DGKB: variants seen among roughly 807,000 people sequenced by gnomAD.
The protein encoded by DGKB is diacylglycerol kinase beta.
In DGKB, 67 loss-of-function variants were observed where a neutral mutation model predicts 114.3. The observed-to-expected ratio is 0.59, with a 90% CI of 0.48 to 0.72. The LOEUF (loss-of-function observed/expected upper bound fraction) is 0.72. DGKB is among the 30% of genes least tolerant of loss of function. The pLI is 0.00. For missense variants in DGKB, 907 were observed against 975.2 expected (o/e 0.93, Z 0.93); for synonymous variants, 398 against 323.1 (o/e 1.23, Z -2.49).
intron 21 of DGKB, among the ~76,000 whole-genome samples, chr7:14,369,072 G>C (rs1489595952): frequency 6.6e-6 from 1 of 151,298 alleles, no homozygotes; most frequent in Non-Finnish European, 1.5e-5. Flanking sequence ...CCCTCCCCTA[G>C]CACCCCACCC....
chr7:14,841,584 T>G (rs565170599), intron 1 of DGKB, 134 bp from the exon 2 acceptor site: 1 of 223,914 alleles, frequency 4.5e-6, no homozygotes, highest in South Asian at 1.5e-4. Context: ...AAGAATCTTA[T>G]AAAGCACATT....
intron 23 of DGKB, among the ~76,000 whole-genome samples, chr7:14,279,894 C>A (rs1312100767): frequency 6.6e-6 from 1 of 151,384 alleles, no homozygotes; most frequent in Non-Finnish European, 1.5e-5. Flanking sequence ...GTAGATAAAA[C>A]CACAAAGATG....
intron 13 of DGKB, among the ~76,000 whole-genome samples, chr7:14,668,507 CTTTG>C: frequency 6.6e-6 from 1 of 152,184 alleles, no homozygotes; most frequent in Non-Finnish European, 1.5e-5. Flanking sequence ...TACTTAACCT[CTTTG>C]TTTCTCAGTT....
chr7:14,772,865 C>T (rs759206207), intron 2 of DGKB, among the ~76,000 whole-genome samples: 2 of 152,084 alleles, frequency 1.3e-5, no homozygotes, highest in Non-Finnish European at 2.9e-5. Context: ...CTTTCTCACC[C>T]CTCACCAGTT....
At chr7:14,874,414 A>C (rs2128203039) in intron 1 of DGKB, among the ~76,000 whole-genome samples, 1 of 152,238 alleles carries the variant, frequency 6.6e-6, no homozygotes, top group Non-Finnish European at 1.5e-5. Flanking sequence ...ACATTAATGT[A>C]TAGTTTTCAT....
chr7:14,668,599 G>C (rs1160852425), intron 13 of DGKB, among the ~76,000 whole-genome samples: 9 of 152,036 alleles, frequency 5.9e-5, no homozygotes, highest in Admixed American at 5.3e-4. Context: ...TTTATATATT[G>C]TGTTACTTAT....
chr7:14,706,077 C>T (rs1373330158), intron 6 of DGKB, among the ~76,000 whole-genome samples: 284 of 146,356 alleles, frequency 1.9e-3, no homozygotes, highest in East Asian at 4.8e-3. Context: ...ACCCATCTCA[C>T]GTGCAGAGAC....
intron 3 of DGKB, 65 bp from the exon 4 acceptor site, chr7:14,754,013 T>C: frequency 9.2e-7 from 1 of 1,082,606 alleles, no homozygotes. Context: ...CATTATCTCA[T>C]ATCTCTGATT....
chr7:14,389,327 C>G, intron 21 of DGKB, among the ~76,000 whole-genome samples: 1 of 152,104 alleles, frequency 6.6e-6, no homozygotes, highest in African/African-American at 2.4e-5. Context: ...CATCTAGGAC[C>G]CTTTGAAAGT....
At chr7:14,812,778 T>C (rs1843614873) in intron 2 of DGKB, among the ~76,000 whole-genome samples, 2 of 152,178 alleles carry the variant, frequency 1.3e-5, no homozygotes, top group Admixed American at 6.6e-5. Flanking sequence ...AAAAACTCAT[T>C]TTTAAAGCAA....
At chr7:14,275,039 G>A (rs1013294356) in intron 23 of DGKB, among the ~76,000 whole-genome samples, 3 of 151,884 alleles carry the variant, frequency 2.0e-5, no homozygotes, top group Admixed American at 6.6e-5. Flanking sequence ...TGTCCTAGAT[G>A]AAAGTATTTT....
chr7:14,818,029 C>T, intron 2 of DGKB, among the ~76,000 whole-genome samples: 1 of 152,000 alleles, frequency 6.6e-6, no homozygotes, highest in East Asian at 1.9e-4. Context: ...AACCCAGATA[C>T]CAACTGGGAA....
At chr7:14,206,677 T>C (rs1815256564) in intron 23 of DGKB, among the ~76,000 whole-genome samples, 1 of 152,060 alleles carries the variant, frequency 6.6e-6, no homozygotes, top group Admixed American at 6.6e-5. Context: ...TGCTGAAATG[T>C]AGTTTCTATA....
At chr7:14,693,083 C>A (rs1254480956) in intron 9 of DGKB, among the ~76,000 whole-genome samples, 1 of 151,984 alleles carries the variant, frequency 6.6e-6, no homozygotes, top group African/African-American at 2.4e-5. Context: ...ATGATATAGT[C>A]TTGAATCTGT....
intron 21 of DGKB, among the ~76,000 whole-genome samples, chr7:14,406,287 T>C (rs532405132): frequency 5.3e-5 from 8 of 152,040 alleles, no homozygotes; most frequent in African/African-American, 1.4e-4. Flanking sequence ...GGGTAAGAAA[T>C]TGACTTGAGA....
intron 1 of DGKB, among the ~76,000 whole-genome samples, chr7:14,927,728 A>T (rs1048552494): frequency 6.6e-6 from 1 of 152,002 alleles, no homozygotes; most frequent in Non-Finnish European, 1.5e-5. Flanking sequence ...TCATAGAAAA[A>T]TATCAGAGAA....
At chr7:14,374,853 G>C (rs1160754164) in intron 21 of DGKB, among the ~76,000 whole-genome samples, 1 of 152,066 alleles carries the variant, frequency 6.6e-6, no homozygotes, top group African/African-American at 2.4e-5. Context: ...CAACCTTGTC[G>C]TGACAATCAA....
In DGKB at chr7:14,494,121, A is replaced by G. The variant is rs534557867; in HGVS notation, c.1771-15896T>C. ...TTCAAGCTCTTTGAAGGTTTAAAATATATGAAAATGCTCTGCATATTAAAT... is the reference window on the plus strand; with the variant it reads ...TTCAAGCTCTTTGAAGGTTTAAAATGTATGAAAATGCTCTGCATATTAAAT... On this transcript the variant is annotated intron_variant, in intron 20 of 25. Coordinates refer to ENST00000402815, the MANE Select transcript of DGKB (RefSeq NM_001350709.2). 1.9e-3 allele frequency among the ~76,000 whole-genome samples: 292 copies of G among 152,162 alleles called. 1 individual carries two copies. The highest frequency in any genetic ancestry group is 6.1e-3 in the African/African-American group (255 of 41,558).
intron 20 of DGKB, among the ~76,000 whole-genome samples, chr7:14,519,775 AT>A (rs1789442430): frequency 6.6e-6 from 1 of 151,816 alleles, no homozygotes; most frequent in South Asian, 2.1e-4. Flanking sequence ...TATCTTTGTA[AT>A]TTTAATTTGC....
Sources: allele counts gnomAD v4.1 joint callset (sites outside exome capture counted in the v4.1 genomes callset), GRCh38; gene constraint gnomAD v4.1.1; transcripts MANE v1.5; gene names NCBI Gene and HGNC (gene_info 2026-07-23, HGNC 2026-07-21).